MYO5B: variants seen among roughly 807,000 people sequenced by gnomAD.
The protein encoded by MYO5B is unconventional myosin-Vb.
MYO5B carries 143 observed loss-of-function variants against 229.3 expected under a neutral mutation model. The ratio of observed to expected loss-of-function variants is 0.62; its 90% CI spans 0.54 to 0.72. The LOEUF is 0.72. Among genes scored for constraint, MYO5B ranks in the 30% least tolerant of loss-of-function variants. MYO5B has a pLI of 0.00. For synonymous variants in MYO5B, 918 were observed against 885.2 expected, an observed-to-expected ratio of 1.04 and a Z score of -0.66; for missense variants, 2,321 against 2,331.0, an observed-to-expected ratio of 1.00 and a Z score of 0.09.
intron 7 of MYO5B, among the ~76,000 whole-genome samples, chr18:49,987,025 G>A (rs976494221): frequency 6.6e-6 from 1 of 152,192 alleles, no homozygotes; most frequent in African/African-American, 2.4e-5. Flanking sequence ...CAAAGGAGGA[G>A]ACTAGACTTT....
chr18:49,972,660 A>G (rs2025703830), intron 10 of MYO5B, among the ~76,000 whole-genome samples: 1 of 152,202 alleles, frequency 6.6e-6, no homozygotes, highest in African/African-American at 2.4e-5. Flanking sequence ...ATTTTGGGAT[A>G]TCCAATTACC....
intron 14 of MYO5B, among the ~76,000 whole-genome samples, chr18:49,944,158 C>T (rs576641725): frequency 6.6e-6 from 1 of 152,194 alleles, no homozygotes; most frequent in East Asian, 1.9e-4. Flanking sequence ...GTTGACTATG[C>T]CTGGCACACA....
At chr18:49,840,706 T>C (rs1035541957) in intron 35 of MYO5B, among the ~76,000 whole-genome samples, 6 of 152,182 alleles carry the variant, frequency 3.9e-5, no homozygotes, top group African/African-American at 7.2e-5. Context: ...TACTAGGTCA[T>C]TGGGCAGAGT....
rs529764152 is a variant in MYO5B at position 50,043,140 on chromosome 18, T to C, written c.139-2826A>G. Among the ~76,000 whole-genome samples the C allele has an allele frequency of 2.5e-4, 38 of 150,526 alleles. No homozygotes were observed. In the South Asian group the frequency reaches 5.6e-3, roughly 22 times the overall value. On this transcript the variant is annotated intron_variant, in intron 2 of 39. Transcript: ENST00000285039. ...AAAAAGATACTTGCTCATGCACGTT[T>C]ATAGCAGCACAATTCACAATTCCAA...
chr18:50,010,033 C>T (rs1245736371), intron 4 of MYO5B, among the ~76,000 whole-genome samples: 1 of 152,168 alleles, frequency 6.6e-6, no homozygotes, highest in Non-Finnish European at 1.5e-5. Context: ...CAGCCACAGC[C>T]CAGAACTGAA....
intron 1 of MYO5B, among the ~76,000 whole-genome samples, chr18:50,167,946 C>T (rs2032876497): frequency 6.6e-6 from 1 of 152,164 alleles, no homozygotes; most frequent in Non-Finnish European, 1.5e-5. Context: ...TGGGGGCTGA[C>T]AGTCTAGGTT....
chr18:50,067,509 A>G (rs996113628), intron 1 of MYO5B, among the ~76,000 whole-genome samples: 3 of 152,184 alleles, frequency 2.0e-5, no homozygotes, highest in Admixed American at 6.5e-5. Flanking sequence ...TTGAAATTCA[A>G]TCCCCAATAT....
At chr18:50,032,687 G>A (rs901337942) in intron 4 of MYO5B, among the ~76,000 whole-genome samples, 5 of 152,162 alleles carry the variant, frequency 3.3e-5, no homozygotes, top group African/African-American at 1.2e-4. Context: ...AAGCTTTTGT[G>A]TAAATATGTG....
At chr18:49,903,933 G>A (rs1232431423) in intron 20 of MYO5B, among the ~76,000 whole-genome samples, 1 of 152,202 alleles carries the variant, frequency 6.6e-6, no homozygotes, top group South Asian at 2.1e-4. Context: ...CTCCTGATCC[G>A]TTAAGTGGAG....
At chr18:50,175,536 T>C (rs1465321138) in intron 1 of MYO5B, among the ~76,000 whole-genome samples, 1 of 152,242 alleles carries the variant, frequency 6.6e-6, no homozygotes, top group Non-Finnish European at 1.5e-5. Context: ...CAAATTTTTT[T>C]AGGTTTATTT....
Position 50,105,053 on chromosome 18 carries a change from C to T in MYO5B, c.28-49675G>A, listed in dbSNP as rs1157264525. ...GGAGCAGGAAGTTAAGACTTGGCTT[C>T]TGGAGTTTTAGGAGAATGGTTTCCC... On this transcript the variant is annotated intron_variant, in intron 1 of 39. Coordinates refer to ENST00000285039, the MANE Select transcript of MYO5B (RefSeq NM_001080467.3). Among the ~76,000 whole-genome samples the T allele has an allele frequency of 5.0e-5, 7 of 138,872 alleles. No individual in the cohort carries two copies. In the South Asian group the frequency reaches 1.6e-3, roughly 32 times the overall value. 91.1% of individuals were successfully genotyped at this position (138,872 alleles called of 152,430 possible).
intron 15 of MYO5B, among the ~76,000 whole-genome samples, chr18:49,937,004 A>G (rs2025257772): frequency 6.6e-6 from 1 of 152,128 alleles, no homozygotes; most frequent in Admixed American, 6.5e-5. Context: ...GCCCCACCAC[A>G]GGCGTTAACA....
intron 1 of MYO5B, among the ~76,000 whole-genome samples, chr18:50,120,640 G>A (rs2032043262): frequency 6.6e-6 from 1 of 152,170 alleles, no homozygotes; most frequent in African/African-American, 2.4e-5. Flanking sequence ...TTCTGAGTAA[G>A]CTGCTCGACC....
intron 1 of MYO5B, among the ~76,000 whole-genome samples, chr18:50,173,026 G>C (rs1476281792): frequency 6.6e-6 from 1 of 152,230 alleles, no homozygotes; most frequent in Non-Finnish European, 1.5e-5. Context: ...CACTTTGGGA[G>C]GCTGAGGTGG....
intron 27 of MYO5B, among the ~76,000 whole-genome samples, chr18:49,867,646 G>A (rs1424887668): frequency 6.6e-6 from 1 of 152,170 alleles, no homozygotes; most frequent in Non-Finnish European, 1.5e-5. Context: ...CTATGAGGAT[G>A]ACCACTACAA....
intron 31 of MYO5B, 76 bp downstream of exon 31, chr18:49,853,373 C>T: frequency 2.6e-6 from 4 of 1,537,854 alleles, no homozygotes. Context: ...TCAGTTTTGC[C>T]AAAGGCAACC....
chr18:50,087,736 T>G (rs1008834074), intron 1 of MYO5B, among the ~76,000 whole-genome samples: 3 of 152,122 alleles, frequency 2.0e-5, no homozygotes, highest in African/African-American at 7.2e-5. Context: ...GGTAGGGCTG[T>G]GTCATGAAGC....
chr18:50,039,475 G>T (rs2029938904), intron 3 of MYO5B, among the ~76,000 whole-genome samples: 2 of 152,000 alleles, frequency 1.3e-5, no homozygotes, highest in Non-Finnish European at 2.9e-5. Context: ...GGGACTACAG[G>T]CGCCCGCCAC....
At chr18:49,887,337 A>T (rs1787544) in intron 22 of MYO5B, among the ~76,000 whole-genome samples, 1 of 151,932 alleles carries the variant, frequency 6.6e-6, no homozygotes, top group Non-Finnish European at 1.5e-5. Flanking sequence ...AAAGGATGGC[A>T]AGGGGTCTTG....
Sources: gnomAD v4.1 joint callset for allele counts (sites outside exome capture counted in the v4.1 genomes callset) on GRCh38, gnomAD v4.1.1 for gene constraint, MANE v1.5 for transcripts, NCBI Gene and HGNC (gene_info 2026-07-23, HGNC 2026-07-21) for gene names.